Variants in FTO observed in about 807,000 individuals in gnomAD.
FTO encodes the protein alpha-ketoglutarate-dependent dioxygenase FTO.
In FTO, 47 loss-of-function variants were observed where a neutral mutation model predicts 63.9. The ratio of observed to expected loss-of-function variants is 0.74; its 90% CI spans 0.58 to 0.94. The LOEUF (loss-of-function observed/expected upper bound fraction) is 0.94. Ranked by LOEUF, FTO falls within the 40% of genes least tolerant of loss-of-function variation. The pLI, the probability that FTO is intolerant of heterozygous loss-of-function variation, is 0.00. For missense variants in FTO, 562 were observed against 618.1 expected (o/e 0.91, Z 0.96); for synonymous variants, 207 against 224.4 (o/e 0.92, Z 0.69).
At position 53,921,064 on chromosome 16, in the gene FTO, G is replaced by A. The variant is rs572366711; in HGVS notation, c.1240-12921G>A. Among the ~76,000 whole-genome samples the A allele has an allele frequency of 9.2e-5, 14 of 152,306 alleles. No individual in the cohort carries two copies. In the South Asian group the frequency reaches 2.7e-3, roughly 29 times the overall value. The stretch of plus-strand genomic sequence containing the variant: ...GTGTAGAAAACATATGTTCAGTGAT[G>A]CAGGCAGCAGTTGGGTTAAAGACAC... On this transcript the variant is annotated intron_variant, in intron 7 of 8. Coordinates refer to ENST00000471389, the MANE Select transcript of FTO (RefSeq NM_001080432.3).
At chr16:54,023,244 C>G (rs1300796690) in intron 8 of FTO, among the ~76,000 whole-genome samples, 3 of 152,066 alleles carry the variant, frequency 2.0e-5, no homozygotes, top group Non-Finnish European at 4.4e-5. Context: ...AACAGCAAAC[C>G]GGGGTAACTT....
chr16:53,704,202 T>C lies in FTO; in HGVS notation c.18T>C (p.Thr6=), dbSNP rs73609956. 7,572 of 1,551,466 alleles carry C rather than the reference T, an allele frequency of 4.9e-3. 311 individuals are homozygous for C. In the African/African-American group the frequency reaches 0.091, roughly 19 times the overall value. Residue 6 remains threonine (T), a synonymous_variant, in exon 1 of 9, where the codon ACT becomes ACC. Coordinates refer to ENST00000471389, the MANE Select transcript of FTO (RefSeq NM_001080432.3). The part of the protein sequence containing the change: MKRTP[T]AEEREREAKK... Reference sequence around the variant, plus strand: ...GTGGCAGCATGAAGCGCACCCCGACTGCCGAGGAACGAGAGCGCGAAGCTA... The same window carrying C: ...GTGGCAGCATGAAGCGCACCCCGACCGCCGAGGAACGAGAGCGCGAAGCTA...
chr16:53,764,728 A>T (rs200616697), intron 1 of FTO, among the ~76,000 whole-genome samples: 13,205 of 151,784 alleles, frequency 0.087, 711 homozygotes, highest in Middle Eastern at 0.23. Flanking sequence ...CTTTTTTTTT[A>T]AATTTTTTTT....
chr16:53,728,148 G>C (rs1202455047), intron 1 of FTO, among the ~76,000 whole-genome samples: 1 of 151,872 alleles, frequency 6.6e-6, no homozygotes, highest in Non-Finnish European at 1.5e-5. Context: ...CTGAGGCAGG[G>C]GGATCCCTTG....
At chr16:53,823,185 C>T (rs2078913358) in intron 2 of FTO, among the ~76,000 whole-genome samples, 1 of 152,182 alleles carries the variant, frequency 6.6e-6, no homozygotes, top group Non-Finnish European at 1.5e-5. Flanking sequence ...GCTGCCAAAT[C>T]TACTGGATCA....
At chr16:53,907,161 G>A (rs997021808) in intron 7 of FTO, among the ~76,000 whole-genome samples, 6 of 152,140 alleles carry the variant, frequency 3.9e-5, no homozygotes, top group Non-Finnish European at 7.4e-5. Flanking sequence ...ATGGGTCTGT[G>A]TCCTGATATA....
intron 7 of FTO, among the ~76,000 whole-genome samples, chr16:53,912,585 C>T (rs1270075062): frequency 2.0e-5 from 3 of 152,124 alleles, no homozygotes; most frequent in East Asian, 3.9e-4. Flanking sequence ...GGTTCCCACT[C>T]GCCGTAGAAT....
chr16:53,761,739 G>A (rs1396145113), intron 1 of FTO, among the ~76,000 whole-genome samples: 1 of 138,230 alleles, frequency 7.2e-6, no homozygotes, highest in Non-Finnish European at 1.5e-5. Context: ...AGCACTGGAT[G>A]TGTGCTTTTC....
chr16:54,089,202 A>G (rs994575669), intron 8 of FTO, among the ~76,000 whole-genome samples: 2 of 152,240 alleles, frequency 1.3e-5, no homozygotes, highest in African/African-American at 4.8e-5. Context: ...GCACAAGTAG[A>G]GAATGGAAAC....
At chr16:53,805,003 A>C (rs945981441) in intron 1 of FTO, among the ~76,000 whole-genome samples, 1 of 151,900 alleles carries the variant, frequency 6.6e-6, no homozygotes, top group African/African-American at 2.4e-5. Flanking sequence ...CCCACTTAAA[A>C]CCCTCATAAG....
intron 2 of FTO, among the ~76,000 whole-genome samples, chr16:53,811,300 AG>A (rs1473454234): frequency 3.9e-5 from 6 of 152,220 alleles, no homozygotes; most frequent in Non-Finnish European, 2.9e-5. Flanking sequence ...CTTGAAGCAG[AG>A]GGTTGCCGTG....
chr16:53,955,037 T>C (rs1401153896), intron 8 of FTO, among the ~76,000 whole-genome samples: 1 of 152,102 alleles, frequency 6.6e-6, no homozygotes, highest in Non-Finnish European at 1.5e-5. Context: ...AGTAAGAAAG[T>C]TTCTCCTGTT....
intron 8 of FTO, among the ~76,000 whole-genome samples, chr16:54,082,725 A>G (rs1194966685): frequency 2.0e-5 from 3 of 152,164 alleles, no homozygotes; most frequent in Non-Finnish European, 4.4e-5. Context: ...TAATTTAAAA[A>G]CTTTGAGATA....
At chr16:53,937,375 G>A in intron 8 of FTO, 1 of 397,556 alleles carries the variant, frequency 2.5e-6, no homozygotes, top group Non-Finnish European at 4.4e-6. Context: ...TGGACAGCTT[G>A]TTATAGCTTT....
At chr16:54,092,291 AC>A (rs1235882849) in intron 8 of FTO, among the ~76,000 whole-genome samples, 4 of 152,142 alleles carry the variant, frequency 2.6e-5, no homozygotes, top group Non-Finnish European at 4.4e-5. Flanking sequence ...TCAAAACAAA[AC>A]AAAACATTAA....
At chr16:53,707,434 T>G (rs1361402712) in intron 1 of FTO, among the ~76,000 whole-genome samples, 7 of 152,196 alleles carry the variant, frequency 4.6e-5, no homozygotes, top group Admixed American at 4.6e-4. Flanking sequence ...TTAATTACAT[T>G]TGCAAGGACA....
intron 8 of FTO, among the ~76,000 whole-genome samples, chr16:53,948,996 C>G (rs2082711792): frequency 1.3e-5 from 2 of 152,266 alleles, no homozygotes; most frequent in South Asian, 2.1e-4. Context: ...GAACTTGGCA[C>G]TATTTCATCT....
chr16:54,024,261 G>C (rs6499671), intron 8 of FTO, among the ~76,000 whole-genome samples: 47,341 of 151,956 alleles, frequency 0.31, 7,896 homozygotes, highest in South Asian at 0.44. Flanking sequence ...GTCTCACTCT[G>C]TCACCAGGCT....
chr16:53,799,748 A>G (rs576322755), intron 1 of FTO, among the ~76,000 whole-genome samples: 87 of 152,332 alleles, frequency 5.7e-4, no homozygotes, highest in African/African-American at 1.9e-3. Flanking sequence ...TTCCTGGTAC[A>G]TGCCCGGTTT....
Sources: allele counts gnomAD v4.1 joint callset (sites outside exome capture counted in the v4.1 genomes callset), GRCh38; gene constraint gnomAD v4.1.1; transcripts MANE v1.5; gene names NCBI Gene and HGNC (gene_info 2026-07-23, HGNC 2026-07-21).